TTC23: variants seen among roughly 807,000 people sequenced by gnomAD.
The protein encoded by TTC23 is tetratricopeptide repeat domain 23, also known as tetratricopeptide repeat protein 23.
In TTC23, 58 loss-of-function variants were observed where a neutral mutation model predicts 55.1. The ratio of observed to expected loss-of-function variants is 1.05; its 90% CI spans 0.85 to 1.31. The LOEUF is 1.31. TTC23 is among the 50% of genes most tolerant of loss of function. The pLI is 0.00. For missense variants in TTC23, 516 were observed against 534.4 expected (o/e 0.97, Z 0.34); for synonymous variants, 203 against 199.9 (o/e 1.02, Z -0.13).
At chr15:99,151,673 C>G (rs782712239) in intron 12 of TTC23, among the ~76,000 whole-genome samples, 23 of 152,178 alleles carry the variant, frequency 1.5e-4, no homozygotes, top group South Asian at 6.2e-4. Context: ...AGTGACAACC[C>G]AAAGACTCCT....
chr15:99,172,292 C>A (rs574956610), intron 10 of TTC23, among the ~76,000 whole-genome samples: 2 of 152,240 alleles, frequency 1.3e-5, no homozygotes, highest in African/African-American at 4.8e-5. Flanking sequence ...TGGCTCCTCA[C>A]ATATTTCAAT....
intron 11 of TTC23, chr15:99,157,972 G>A (rs1465473024): frequency 6.6e-6 from 1 of 152,200 alleles, no homozygotes; most frequent in African/African-American, 2.4e-5. Context: ...CAGCCCCAAA[G>A]GGGTCCCAAA....
At chr15:99,190,612 G>A (rs1389065038) in intron 9 of TTC23, among the ~76,000 whole-genome samples, 2 of 152,112 alleles carry the variant, frequency 1.3e-5, no homozygotes, top group Non-Finnish European at 2.9e-5. Flanking sequence ...GAAAACCAAT[G>A]TGGCAAAATA....
intron 9 of TTC23, among the ~76,000 whole-genome samples, chr15:99,180,276 T>C (rs7176176): frequency 6.6e-6 from 1 of 151,886 alleles, no homozygotes; most frequent in South Asian, 2.1e-4. Context: ...CTTGGGGTGC[T>C]GGCATGTTGG....
intron 9 of TTC23, among the ~76,000 whole-genome samples, chr15:99,196,229 A>C (rs867295640): frequency 8.5e-5 from 13 of 152,166 alleles, no homozygotes; most frequent in African/African-American, 3.1e-4. Context: ...ATTCTGTAAA[A>C]TGAGAGTAAA....
At chr15:99,139,667 A>G in intron 12 of TTC23, 2 of 1,420,562 alleles carry the variant, frequency 1.4e-6, no homozygotes, top group Non-Finnish European at 1.9e-6. Flanking sequence ...AGTATTTTTA[A>G]AAATAAAGGC....
At chr15:99,232,848 C>T (rs776526179) in intron 4 of TTC23, among the ~76,000 whole-genome samples, 2 of 152,126 alleles carry the variant, frequency 1.3e-5, no homozygotes, top group Non-Finnish European at 2.9e-5. Flanking sequence ...ATGTTCATTG[C>T]AGCATTATTG....
chr15:99,225,930 A>T (rs1237452), intron 5 of TTC23, among the ~76,000 whole-genome samples: 1,650 of 152,370 alleles, frequency 0.011, 25 homozygotes, highest in African/African-American at 0.038. Flanking sequence ...ACCTCCTGAC[A>T]GGACGCACTA....
At chr15:99,173,970 C>T (rs2073241890) in intron 10 of TTC23, among the ~76,000 whole-genome samples, 1 of 152,150 alleles carries the variant, frequency 6.6e-6, no homozygotes, top group Admixed American at 6.5e-5. Flanking sequence ...AAAGTACTTT[C>T]CTCCTATTAC....
intron 3 of TTC23, among the ~76,000 whole-genome samples, chr15:99,236,920 T>C (rs753789648): frequency 6.6e-6 from 1 of 152,200 alleles, no homozygotes; most frequent in African/African-American, 2.4e-5. Context: ...TGGTGCCATA[T>C]CTGACAGTTT....
intron 3 of TTC23, among the ~76,000 whole-genome samples, chr15:99,240,242 C>G (rs2079656119): frequency 6.6e-6 from 1 of 152,310 alleles, no homozygotes; most frequent in African/African-American, 2.4e-5. Context: ...GGCCTCTGAA[C>G]CTAGTGTTAA....
chr15:99,147,513 C>A (rs973014883), intron 12 of TTC23, among the ~76,000 whole-genome samples: 2 of 152,192 alleles, frequency 1.3e-5, no homozygotes, highest in Non-Finnish European at 2.9e-5. Context: ...GCGTGAGCCA[C>A]CGCGCCCAGC....
At chr15:99,168,659 C>T (rs1007544404) in intron 10 of TTC23, among the ~76,000 whole-genome samples, 1 of 152,186 alleles carries the variant, frequency 6.6e-6, no homozygotes, top group African/African-American at 2.4e-5. Context: ...ACAGGCTTTG[C>T]TCTCAGACAC....
rs782175491 is a variant in TTC23 at position 99,139,550 on chromosome 15, A to T, written c.1144-151T>A. ...CTCCTGGGATGTCTCCTAGTGACTG[A>T]CCTTTGGTTTGGATGTTCTGAGGGA... On this transcript the variant is annotated intron_variant, in intron 12 of 13. Transcript: ENST00000394132. The T allele has an allele frequency of 5.8e-6, 9 of 1,546,964 alleles. No individual in the cohort carries two copies. The African/African-American group carries it at 1.1e-4, about 19-fold the overall frequency.
intron 10 of TTC23, among the ~76,000 whole-genome samples, chr15:99,171,559 CTT>C (rs35676358): frequency 0.038 from 3,516 of 91,938 alleles, 23 homozygotes; most frequent in Middle Eastern, 0.11. Flanking sequence ...GTCTCTCCGT[CTT>C]TTTTTTTTTT....
chr15:99,138,239 G>T, intron 13 of TTC23, 112 bp from the exon 14 acceptor site: 1 of 1,298,942 alleles, frequency 7.7e-7, no homozygotes, highest in South Asian at 1.4e-5. Context: ...AGAAGACTTG[G>T]TAGGGGCTAT....
intron 8 of TTC23, among the ~76,000 whole-genome samples, chr15:99,214,852 C>CTTTTTTTTTTTTTTTT (rs777804106): frequency 1.0e-5 from 1 of 99,876 alleles, no homozygotes; most frequent in Non-Finnish European, 1.9e-5. Flanking sequence ...TTCTTTTCTC[C>CTTTTTTTTTTTTTTTT]TTTTTTTTTT....
chr15:99,138,854 C>T lies in TTC23; in HGVS notation c.1226+463G>A, dbSNP rs954738133. On this transcript the variant is annotated intron_variant, in intron 13 of 13. Transcript: ENST00000394132. ...CAGCCCTGGGGCTGCTCTCTGCGGA[C>T]CAGGCTCTGTGAGGTAGGCCCTCCA... Among the ~76,000 whole-genome samples, 11 of 152,226 alleles carry T rather than the reference C, an allele frequency of 7.2e-5. No homozygotes were observed. The South Asian group carries it at 8.3e-4, about 11-fold the overall frequency.
At chr15:99,245,772 G>A (rs146001109) in intron 1 of TTC23, among the ~76,000 whole-genome samples, 1 of 151,148 alleles carries the variant, frequency 6.6e-6, no homozygotes, top group African/African-American at 2.4e-5. Flanking sequence ...AACAGTAAGA[G>A]GTAAAACTAT....
Sources: allele counts gnomAD v4.1 joint callset (sites outside exome capture counted in the v4.1 genomes callset), GRCh38; gene constraint gnomAD v4.1.1; transcripts MANE v1.5; gene names NCBI Gene and HGNC (gene_info 2026-07-23, HGNC 2026-07-21).